SPG11: variants seen among roughly 807,000 people sequenced by gnomAD.
SPG11 encodes spatacsin.
Under a neutral mutation model 274.0 loss-of-function variants are expected in SPG11, and 222 were observed. The observed-to-expected ratio is 0.81, with a 90% confidence interval of 0.73 to 0.91. The LOEUF is 0.91. Ranked by LOEUF, SPG11 falls within the 40% of genes least tolerant of loss-of-function variation. SPG11 has a pLI of 0.00. For synonymous variants in SPG11, 1,144 were observed against 1,039.7 expected, an observed-to-expected ratio of 1.10 and a Z score of -1.93; for missense variants, 3,114 against 2,872.7, an observed-to-expected ratio of 1.08 and a Z score of -1.92.
At chr15:44,609,254 C>T (rs368995554) in intron 18 of SPG11, among the ~76,000 whole-genome samples, 55 of 152,084 alleles carry the variant, frequency 3.6e-4, no homozygotes, top group African/African-American at 1.3e-3. Flanking sequence ...GCCTCAGCCT[C>T]TGGAGTAGCT....
chr15:44,567,699 AGAG>A (rs2082338778), intron 35 of SPG11, 107 bp from the exon 36 acceptor site: 5 of 1,134,410 alleles, frequency 4.4e-6, no homozygotes, highest in Admixed American at 1.9e-5. Flanking sequence ...CCCAAGAAGA[AGAG>A]GAGCAAAAAT....
chr15:44,589,460 T>C lies in SPG11; in HGVS notation c.4744-46A>G, dbSNP rs190205576. 1.5e-5 allele frequency: 24 copies of C among 1,611,774 alleles called. No individual in the cohort carries two copies. In the East Asian group the frequency reaches 3.1e-4, roughly 21 times the overall value. ...CTTAGGGAAAGCAGTTTCATGAGAA[T>C]AGCAAATCAAAACCTCCAAATCTGG... On this transcript the variant is annotated intron_variant, in intron 27 of 39. Transcript: ENST00000261866.
At position 44,585,662 on chromosome 15, in the gene SPG11, G is replaced by T; in HGVS notation, c.5095C>A (p.Pro1699Thr). The T allele has an allele frequency of 6.2e-7, 1 of 1,610,504 alleles. No individual in the cohort carries two copies. The highest frequency in any genetic ancestry group is 8.5e-7 in the Non-Finnish European group (1 of 1,178,128). The change falls in exon 29 of 40, where the codon CCT (proline) becomes ACT (threonine). Residue 1699 changes from proline to threonine, a missense_variant. Physicochemically the swap from Pro to Thr is conservative, Grantham distance 38. Coordinates refer to ENST00000261866, the MANE Select transcript of SPG11 (RefSeq NM_025137.4). ...ARRVAELAEL[P>T]VDNLVIKEIT... ...TCTTTAATAACCAAGTTGTCCACAG[G>T]TAACTCAGCTAATTCTGCTACCCTC...
intron 19 of SPG11, among the ~76,000 whole-genome samples, chr15:44,607,592 C>G (rs770993219): frequency 6.6e-6 from 1 of 151,944 alleles, no homozygotes; most frequent in Non-Finnish European, 1.5e-5. Flanking sequence ...ATAAACCTTA[C>G]GTTGAGTTGA....
chr15:44,617,461 C>T (rs2083617909), intron 15 of SPG11, among the ~76,000 whole-genome samples: 1 of 152,076 alleles, frequency 6.6e-6, no homozygotes, highest in African/African-American at 2.4e-5. Context: ...TTATTCTAGC[C>T]CCATTGTCAA....
chr15:44,593,978 C>G (rs1269113726), intron 26 of SPG11, among the ~76,000 whole-genome samples: 1 of 149,008 alleles, frequency 6.7e-6, no homozygotes, highest in South Asian at 2.2e-4. Context: ...CCATGTTGGC[C>G]AGGCTCATCA....
At chr15:44,617,465 T>C (rs561376004) in intron 15 of SPG11, among the ~76,000 whole-genome samples, 2 of 152,306 alleles carry the variant, frequency 1.3e-5, no homozygotes, top group South Asian at 2.1e-4. Flanking sequence ...TCTAGCCCCA[T>C]TGTCAAAAAG....
chr15:44,658,627 T>A (rs1464015267), intron 3 of SPG11, among the ~76,000 whole-genome samples: 1 of 151,848 alleles, frequency 6.6e-6, no homozygotes, highest in Non-Finnish European at 1.5e-5. Flanking sequence ...CCTGGCTAAT[T>A]TTTTTGTATT....
In SPG11 at chr15:44,567,576, G is replaced by A. The variant is rs2140917223; in HGVS notation, c.6602C>T (p.Thr2201Ile). ...KKLDPSGTLK[T>I]ALLDYIKRCR... is the part of the protein sequence containing the mutation. ...GCGTTTGATGTAGTCCAGCAGGGCT[G>A]TTTTCAGGGTACCACTCTGCCCAGA... The change falls in exon 36 of 40, where the codon ACA (threonine) becomes ATA (isoleucine). Residue 2201 changes from threonine to isoleucine, a missense_variant. Thr to Ile is a moderately conservative substitution (Grantham distance 89). Transcript: ENST00000261866. 1.9e-6 allele frequency: 3 copies of A among 1,614,000 alleles called. No individual in the cohort carries two copies. The highest frequency in any genetic ancestry group is 2.2e-5 in the East Asian group (1 of 44,860).
In SPG11 at chr15:44,663,569, G is replaced by A. The variant is rs777798718; in HGVS notation, c.79C>T (p.Pro27Ser). 10 of 1,596,976 alleles carry A rather than the reference G, an allele frequency of 6.3e-6. No homozygotes were observed. The highest frequency in any genetic ancestry group is 4.3e-6 in the Non-Finnish European group (5 of 1,173,824). The change falls in exon 1 of 40, where the codon CCG becomes TCG. Residue 27 changes from proline to serine, a missense_variant. Pro to Ser is a moderately conservative substitution (Grantham distance 74). Transcript: ENST00000261866. ...WGTAAMGRVL[P>S]MLLVPVPAEA... ...GCGGGGACTGGCACCAACAGCATCGGTAGAACCCGCCCCATGGCCGCGGTG... is the reference window on the plus strand; with the variant it reads ...GCGGGGACTGGCACCAACAGCATCGATAGAACCCGCCCCATGGCCGCGGTG...
chr15:44,607,929 G>A (rs554613775), intron 19 of SPG11, among the ~76,000 whole-genome samples: 1 of 152,242 alleles, frequency 6.6e-6, no homozygotes, highest in South Asian at 2.1e-4. Flanking sequence ...CAGGTATGCT[G>A]GTCAACTGTT....
chr15:44,615,932 T>C (rs1484251268), intron 15 of SPG11, among the ~76,000 whole-genome samples: 3 of 152,160 alleles, frequency 2.0e-5, no homozygotes, highest in Non-Finnish European at 4.4e-5. Flanking sequence ...CCAAACAAAA[T>C]CATCATGCTA....
intron 38 of SPG11, 50 bp downstream of exon 38, chr15:44,565,801 CAGA>C: frequency 6.2e-7 from 1 of 1,608,422 alleles, no homozygotes; most frequent in Non-Finnish European, 8.5e-7. Context: ...ATGAGTGGGA[CAGA>C]AGGAGAGAGG....
chr15:44,646,882 A>G (rs1243680169), intron 7 of SPG11, among the ~76,000 whole-genome samples: 1 of 152,144 alleles, frequency 6.6e-6, no homozygotes, highest in African/African-American at 2.4e-5. Context: ...TACTATGCTT[A>G]TTACCTGAGT....
At chr15:44,649,431 C>T (rs533557777) in intron 6 of SPG11, among the ~76,000 whole-genome samples, 3 of 152,180 alleles carry the variant, frequency 2.0e-5, no homozygotes, top group East Asian at 3.9e-4. Flanking sequence ...TAGGGTTTCA[C>T]TTTGTTTCCC....
At position 44,659,135 on chromosome 15, in the gene SPG11, A is replaced by G; in HGVS notation, c.611T>C (p.Ile204Thr). ...AATTCCTCTGCAGAGCTGCGTGTCA[A>G]TAATCATGTCCACTGCCTGTGCAGG... is the stretch of plus-strand genomic sequence containing the variant. ...PLPAQAVDMIIDTQLCRGILF... is the reference protein window; with the variant it reads ...PLPAQAVDMITDTQLCRGILF... The change falls in exon 3 of 40, where the codon ATT (isoleucine) becomes ACT (threonine). Residue 204 changes from isoleucine to threonine, a missense_variant. Transcript: ENST00000261866. The G allele has an allele frequency of 1.2e-6, 2 of 1,614,230 alleles. No homozygotes were observed. The highest frequency in any genetic ancestry group is 2.2e-5 in the South Asian group (2 of 91,090).
At chr15:44,571,558 C>T (rs1178363139) in intron 33 of SPG11, among the ~76,000 whole-genome samples, 3 of 142,500 alleles carry the variant, frequency 2.1e-5, no homozygotes, top group South Asian at 4.4e-4. Flanking sequence ...AGTGCAGCGG[C>T]GCCATCTCCA....
chr15:44,643,885 T>C (rs2084529330), intron 7 of SPG11, among the ~76,000 whole-genome samples: 1 of 151,940 alleles, frequency 6.6e-6, no homozygotes, highest in South Asian at 2.1e-4. Flanking sequence ...ATTCTCTGGC[T>C]GGGAGTGGTG....
intron 14 of SPG11, 142 bp downstream of exon 14, chr15:44,621,617 T>C (rs2083753183): frequency 1.2e-6 from 1 of 805,024 alleles, no homozygotes; most frequent in Non-Finnish European, 2.0e-6. Context: ...GAGATCTTAA[T>C]GCAACGACTT....
Sources: gnomAD v4.1 joint callset for allele counts (sites outside exome capture counted in the v4.1 genomes callset) on GRCh38, gnomAD v4.1.1 for gene constraint, MANE v1.5 for transcripts, NCBI Gene and HGNC (gene_info 2026-07-23, HGNC 2026-07-21) for gene names.